NDST4: variants seen among roughly 807,000 people sequenced by gnomAD.
NDST4 encodes N-deacetylase and N-sulfotransferase 4, also known as N-heparan sulfate sulfotransferase 4.
In NDST4, 63 loss-of-function variants were observed where a neutral mutation model predicts 100.8. The ratio of observed to expected loss-of-function variants is 0.62; its 90% CI spans 0.51 to 0.77. The LOEUF (loss-of-function observed/expected upper bound fraction) is 0.77. Among genes scored for constraint, NDST4 ranks in the 30% least tolerant of loss-of-function variants. The pLI, the probability that NDST4 is intolerant of heterozygous loss-of-function variation, is 0.00. For synonymous variants in NDST4, 377 were observed against 361.8 expected (o/e 1.04, Z -0.48); for missense variants, 943 against 1,018.4 (o/e 0.93, Z 1.01).
At chr4:115,012,742 A>G (rs1370530947) in intron 2 of NDST4, among the ~76,000 whole-genome samples, 1 of 35,770 alleles carries the variant, frequency 2.8e-5, no homozygotes, top group African/African-American at 1.5e-4. Flanking sequence ...CTGTACTCTC[A>G]TGTTTTTGCA....
At chr4:114,985,741 T>C (rs1395434094) in intron 2 of NDST4, among the ~76,000 whole-genome samples, 1 of 152,224 alleles carries the variant, frequency 6.6e-6, no homozygotes, top group Non-Finnish European at 1.5e-5. Flanking sequence ...AAGTTAATTT[T>C]AGTACCATGC....
chr4:114,920,369 A>G lies in NDST4; in HGVS notation c.1536+14837T>C, dbSNP rs114835056. ...TGAATTGCAGAATGGACTTCTAAAA[A>G]TAAATTGCAGGAGGATGGCAATTTT... is the stretch of plus-strand genomic sequence containing the variant. On this transcript the variant is annotated intron_variant, in intron 6 of 13. Transcript: ENST00000264363. Among the ~76,000 whole-genome samples, 509 of 152,294 alleles carry G rather than the reference A, an allele frequency of 3.3e-3. 4 individuals carry two copies. Among genetic ancestry groups the G allele is most frequent in the African/African-American group, 0.012 (500 of 41,566 alleles).
intron 6 of NDST4, among the ~76,000 whole-genome samples, chr4:114,917,566 C>A (rs1468988446): frequency 6.6e-6 from 1 of 151,932 alleles, no homozygotes; most frequent in African/African-American, 2.4e-5. Flanking sequence ...TTGCTTGAAC[C>A]CAAGAGTTCA....
intron 7 of NDST4, among the ~76,000 whole-genome samples, chr4:114,863,983 C>G: frequency 6.6e-6 from 1 of 152,216 alleles, no homozygotes; most frequent in East Asian, 1.9e-4. Flanking sequence ...GAATATCATA[C>G]CATTTACCTT....
intron 1 of NDST4, among the ~76,000 whole-genome samples, chr4:115,094,995 A>G (rs1286218064): frequency 1.3e-5 from 2 of 152,120 alleles, no homozygotes; most frequent in African/African-American, 4.8e-5. Flanking sequence ...GTGGATTGCA[A>G]AGTTAGTTGA....
chr4:114,832,947 A>G (rs1185703277), intron 12 of NDST4, among the ~76,000 whole-genome samples: 1 of 152,188 alleles, frequency 6.6e-6, no homozygotes, highest in Non-Finnish European at 1.5e-5. Context: ...AGATGATTTC[A>G]GGTCCCAGTC....
At chr4:115,066,952 C>T (rs1021106537) in intron 2 of NDST4, among the ~76,000 whole-genome samples, 1 of 152,170 alleles carries the variant, frequency 6.6e-6, no homozygotes, top group African/African-American at 2.4e-5. Flanking sequence ...ACATTTCCTC[C>T]AGGAGTAAGC....
At chr4:114,939,745 G>C (rs1725708365) in intron 4 of NDST4, among the ~76,000 whole-genome samples, 1 of 151,506 alleles carries the variant, frequency 6.6e-6, no homozygotes, top group Admixed American at 6.6e-5. Context: ...GTAAAAAAAA[G>C]TTACTATATT....
intron 2 of NDST4, among the ~76,000 whole-genome samples, chr4:114,997,861 A>T (rs1392368885): frequency 1.3e-5 from 2 of 152,100 alleles, no homozygotes; most frequent in African/African-American, 2.4e-5. Flanking sequence ...TCCTGATTAT[A>T]ATAGACAAAT....
At chr4:114,983,225 G>C (rs531349589) in intron 2 of NDST4, among the ~76,000 whole-genome samples, 1 of 152,310 alleles carries the variant, frequency 6.6e-6, no homozygotes, top group East Asian at 1.9e-4. Flanking sequence ...AGAAGAGGGA[G>C]ACCATCCGCC....
At chr4:115,107,035 A>C (rs1018035019) in intron 1 of NDST4, among the ~76,000 whole-genome samples, 2 of 151,934 alleles carry the variant, frequency 1.3e-5, no homozygotes, top group African/African-American at 2.4e-5. Context: ...GTGTGCACCT[A>C]TAGTCCCAGC....
intron 10 of NDST4, among the ~76,000 whole-genome samples, chr4:114,841,762 A>G (rs1723431716): frequency 6.6e-6 from 1 of 152,192 alleles, no homozygotes; most frequent in Non-Finnish European, 1.5e-5. Context: ...GAAAGACATA[A>G]TTCTTGTACC....
intron 6 of NDST4, among the ~76,000 whole-genome samples, chr4:114,913,750 A>G (rs931929521): frequency 6.9e-6 from 1 of 145,182 alleles, no homozygotes; most frequent in Non-Finnish European, 1.5e-5. Flanking sequence ...AAAAAAAAAA[A>G]CACTTTTATT....
At chr4:115,047,720 C>T (rs546490853) in intron 2 of NDST4, among the ~76,000 whole-genome samples, 31 of 151,994 alleles carry the variant, frequency 2.0e-4, no homozygotes, top group Non-Finnish European at 3.2e-4. Flanking sequence ...TTAGGTTTGA[C>T]GGCAGATAAA....
intron 2 of NDST4, among the ~76,000 whole-genome samples, chr4:114,982,997 G>A (rs755469139): frequency 6.6e-6 from 1 of 152,182 alleles, no homozygotes; most frequent in Non-Finnish European, 1.5e-5. Flanking sequence ...GCTTCCATGT[G>A]GTGTTGGGCC....
At chr4:115,036,609 GT>G (rs1015128073) in intron 2 of NDST4, among the ~76,000 whole-genome samples, 39 of 151,810 alleles carry the variant, frequency 2.6e-4, no homozygotes, top group African/African-American at 9.2e-4. Flanking sequence ...ATTTGCCAAG[GT>G]CATATAATGC....
intron 6 of NDST4, among the ~76,000 whole-genome samples, chr4:114,875,410 C>T (rs1447318530): frequency 1.3e-5 from 2 of 152,122 alleles, no homozygotes; most frequent in African/African-American, 4.8e-5. Context: ...AGATACAATA[C>T]ATATACTCAA....
intron 2 of NDST4, among the ~76,000 whole-genome samples, chr4:114,991,109 G>A (rs141951978): frequency 5.9e-5 from 9 of 152,092 alleles, no homozygotes; most frequent in South Asian, 2.1e-4. Flanking sequence ...TAGCTCTTTC[G>A]GATTTCTAAG....
chr4:115,054,063 C>T (rs1049065500), intron 2 of NDST4, among the ~76,000 whole-genome samples: 8 of 151,396 alleles, frequency 5.3e-5, no homozygotes, highest in African/African-American at 7.3e-5. Context: ...TGATGTCCTT[C>T]GAAGGAAGAA....
Sources: gnomAD v4.1 joint callset for allele counts (sites outside exome capture counted in the v4.1 genomes callset) on GRCh38, gnomAD v4.1.1 for gene constraint, MANE v1.5 for transcripts, NCBI Gene and HGNC (gene_info 2026-07-23, HGNC 2026-07-21) for gene names.